The following LOC128125817 variants were observed in gnomAD, a reference collection of about 807,000 sequenced individuals.
chr1:41,615,554 A>G, the LOC128125817 span, among the ~76,000 whole-genome samples: 1 of 152,274 alleles, frequency 6.6e-6, no homozygotes, highest in Admixed American at 6.5e-5. Context: ...AAGACTGCCC[A>G]GAAACAGTGG....
the LOC128125817 span, among the ~76,000 whole-genome samples, chr1:41,590,693 T>C: frequency 6.6e-6 from 1 of 152,298 alleles, no homozygotes; most frequent in Non-Finnish European, 1.5e-5. Context: ...TGTTGGTGTC[T>C]GGGAGGCTGA....
At chr1:41,606,849 T>A in the LOC128125817 span, among the ~76,000 whole-genome samples, 1 of 149,728 alleles carries the variant, frequency 6.7e-6, no homozygotes, top group Non-Finnish European at 1.5e-5. Flanking sequence ...AATTTTTGAG[T>A]CTCTCTGGAA....
chr1:41,618,264 C>T, the LOC128125817 span, among the ~76,000 whole-genome samples: 1 of 152,228 alleles, frequency 6.6e-6, no homozygotes, highest in African/African-American at 2.4e-5. Context: ...TCCTTGCGCT[C>T]AGCAGACTCT....
chr1:41,593,369 T>C, the LOC128125817 span, among the ~76,000 whole-genome samples: 1 of 152,226 alleles, frequency 6.6e-6, no homozygotes, highest in Non-Finnish European at 1.5e-5. Flanking sequence ...CTCTTTCTTT[T>C]TGCGGGCAGC....
the LOC128125817 span, among the ~76,000 whole-genome samples, chr1:41,616,413 T>A: frequency 2.6e-5 from 4 of 152,140 alleles, no homozygotes. Flanking sequence ...CAGGGTAGGA[T>A]GTACTTTGAG....
chr1:41,591,607 C>G, the LOC128125817 span, among the ~76,000 whole-genome samples: 4 of 152,000 alleles, frequency 2.6e-5, no homozygotes, highest in African/African-American at 7.3e-5. Context: ...ATCTTCCTGA[C>G]TCCATGGAAG....
the LOC128125817 span, among the ~76,000 whole-genome samples, chr1:41,594,735 T>C: frequency 6.6e-6 from 1 of 152,234 alleles, no homozygotes; most frequent in Non-Finnish European, 1.5e-5. Flanking sequence ...TTCCATGTGG[T>C]TAAATGTACC....
the LOC128125817 span, among the ~76,000 whole-genome samples, chr1:41,595,518 G>A: frequency 1.3e-5 from 2 of 152,190 alleles, no homozygotes; most frequent in Non-Finnish European, 2.9e-5. Context: ...ACCCTTGTTT[G>A]AGCTGGGTTT....
the LOC128125817 span, among the ~76,000 whole-genome samples, chr1:41,607,652 A>G: frequency 5.3e-5 from 8 of 150,418 alleles, no homozygotes; most frequent in African/African-American, 1.7e-4. Context: ...TTTGCTTCCA[A>G]TGTTTGGTGA....
At chr1:41,611,403 T>C in the LOC128125817 span, among the ~76,000 whole-genome samples, 1 of 152,186 alleles carries the variant, frequency 6.6e-6, no homozygotes, top group Non-Finnish European at 1.5e-5. Context: ...GAAATGCTGA[T>C]GGGGACAGAG....
chr1:41,586,466 C>G, the LOC128125817 span, among the ~76,000 whole-genome samples: 8 of 151,088 alleles, frequency 5.3e-5, no homozygotes, highest in Non-Finnish European at 8.9e-5. Flanking sequence ...AGCCCCTTCT[C>G]AGGTGTCCAT....
the LOC128125817 span, among the ~76,000 whole-genome samples, chr1:41,588,666 T>C: frequency 6.6e-6 from 1 of 152,060 alleles, no homozygotes; most frequent in Non-Finnish European, 1.5e-5. Flanking sequence ...AGAGGCCTCC[T>C]ACCCACACTT....
the LOC128125817 span, among the ~76,000 whole-genome samples, chr1:41,606,030 C>T: frequency 6.6e-6 from 1 of 152,100 alleles, no homozygotes; most frequent in African/African-American, 2.4e-5. Context: ...TCCATTTCTT[C>T]TCAAATTATT....
At chr1:41,601,815 T>C in the LOC128125817 span, among the ~76,000 whole-genome samples, 1 of 152,186 alleles carries the variant, frequency 6.6e-6, no homozygotes, top group Non-Finnish European at 1.5e-5. Flanking sequence ...CCTTAGCTTC[T>C]TCCTGATTTT....
the LOC128125817 span, among the ~76,000 whole-genome samples, chr1:41,612,938 A>G: frequency 2.0e-5 from 3 of 152,202 alleles, no homozygotes; most frequent in East Asian, 5.8e-4. Flanking sequence ...CCACACAGAA[A>G]TGGGGCAGTC....
At chr1:41,627,567 AC>A in the LOC128125817 span, among the ~76,000 whole-genome samples, 1 of 152,102 alleles carries the variant, frequency 6.6e-6, no homozygotes, top group African/African-American at 2.4e-5. Context: ...GGCTCTAGCC[AC>A]CCCGAAGTCC....
At chr1:41,621,657 G>A in the LOC128125817 span, among the ~76,000 whole-genome samples, 4 of 152,218 alleles carry the variant, frequency 2.6e-5, no homozygotes, top group Non-Finnish European at 4.4e-5. Context: ...GACTACAGGA[G>A]TATGACCACC....
the LOC128125817 span, among the ~76,000 whole-genome samples, chr1:41,626,234 G>A: frequency 0.02 from 3,048 of 152,326 alleles, 51 homozygotes; most frequent in Non-Finnish European, 0.028. Flanking sequence ...TGTCTTGTTC[G>A]GATGCCATAT....
At chr1:41,616,218 T>C in the LOC128125817 span, among the ~76,000 whole-genome samples, 1 of 152,062 alleles carries the variant, frequency 6.6e-6, no homozygotes, top group Admixed American at 6.5e-5. Flanking sequence ...CCCATGGGTC[T>C]AGGAGGAAAC....
Sources: gnomAD v4.1 joint callset for allele counts (sites outside exome capture counted in the v4.1 genomes callset) on GRCh38, gnomAD v4.1.1 for gene constraint, MANE v1.5 for transcripts.